The following FREM1 variants were observed in gnomAD, a reference collection of about 807,000 sequenced individuals.
FREM1 encodes the protein FRAS1 related extracellular matrix 1.
A neutral mutation model predicts 210.1 loss-of-function variants in FREM1; 220 were observed. The ratio of observed to expected loss-of-function variants is 1.05; its 90% CI spans 0.94 to 1.17. The LOEUF is 1.17. FREM1 is among the 50% of genes most tolerant of loss of function. The probability of loss-of-function intolerance (pLI) is 0.00; values close to 1 mark genes in which losing one functional copy is unlikely to be tolerated. For synonymous variants in FREM1, 1,189 were observed against 980.2 expected (o/e 1.21, Z -3.98); for missense variants, 3,454 against 2,675.5 (o/e 1.29, Z -6.42).
intron 10 of FREM1, among the ~76,000 whole-genome samples, chr9:14,838,128 T>C (rs114726020): frequency 0.012 from 1,883 of 152,330 alleles, 51 homozygotes; most frequent in African/African-American, 0.043. Context: ...TTTTGCTGTG[T>C]GTGTCAATTT....
chr9:14,763,474 G>A lies in FREM1; in HGVS notation c.5205-3573C>T, dbSNP rs949848844. On this transcript the variant is annotated intron_variant, in intron 27 of 36. Transcript: ENST00000380880. ...CATGCCACTGCACTCCAGCCTGGGC[G>A]GCAGAGCAAGACTCCATCTCAAAAA... 2.6e-5 allele frequency among the ~76,000 whole-genome samples: 4 copies of A among 152,062 alleles called. No homozygotes were observed. In the South Asian group the frequency reaches 8.3e-4, roughly 31 times the overall value.
intron 5 of FREM1, among the ~76,000 whole-genome samples, chr9:14,852,761 G>C (rs908176892): frequency 3.3e-5 from 5 of 152,236 alleles, no homozygotes; most frequent in African/African-American, 1.2e-4. Context: ...CCATTGCTGA[G>C]AGAACCAGGC....
At chr9:14,821,487 G>A (rs1821303533) in intron 13 of FREM1, among the ~76,000 whole-genome samples, 1 of 152,148 alleles carries the variant, frequency 6.6e-6, no homozygotes, top group Non-Finnish European at 1.5e-5. Flanking sequence ...TTTAGTGCTA[G>A]GCTATTTGAT....
intron 25 of FREM1, among the ~76,000 whole-genome samples, chr9:14,775,018 C>T (rs528755911): frequency 1.2e-4 from 18 of 152,316 alleles, no homozygotes; most frequent in Non-Finnish European, 2.2e-4. Context: ...TTATTACCCT[C>T]ATCATTATTA....
At chr9:14,758,739 C>T (rs1844893562) in intron 28 of FREM1, among the ~76,000 whole-genome samples, 1 of 152,098 alleles carries the variant, frequency 6.6e-6, no homozygotes, top group Non-Finnish European at 1.5e-5. Context: ...ACAAGTGTTT[C>T]ATGCTCTCAT....
At chr9:14,840,369 A>G (rs1973388) in intron 10 of FREM1, among the ~76,000 whole-genome samples, 151,569 of 152,286 alleles carry the variant, frequency 1, 75,432 homozygotes, top group Middle Eastern at 1. Flanking sequence ...ACCTGAGACT[A>G]GGCAATTTAC....
chr9:14,753,217 G>A (rs1220506231), intron 29 of FREM1, among the ~76,000 whole-genome samples: 1 of 152,206 alleles, frequency 6.6e-6, no homozygotes, highest in East Asian at 1.9e-4. Flanking sequence ...ATTTTATGCA[G>A]ACATATTCCA....
At chr9:14,769,606 A>C (rs574006783) in intron 27 of FREM1, 118 bp downstream of exon 27, 1 of 1,053,178 alleles carries the variant, frequency 9.5e-7, no homozygotes, top group East Asian at 2.8e-5. Context: ...GAGCTTGTGA[A>C]ATGGTCTATT....
intron 21 of FREM1, among the ~76,000 whole-genome samples, chr9:14,794,096 T>A (rs923774800): frequency 6.6e-6 from 1 of 152,202 alleles, no homozygotes; most frequent in African/African-American, 2.4e-5. Context: ...CAATTCAGTG[T>A]CAGAATTCAA....
intron 16 of FREM1, among the ~76,000 whole-genome samples, chr9:14,809,113 G>A (rs1416901922): frequency 6.6e-6 from 1 of 152,170 alleles, no homozygotes; most frequent in South Asian, 2.1e-4. Flanking sequence ...TCTCATGATA[G>A]TGAATGAGTC....
At chr9:14,909,320 G>T (rs935319057) in intron 1 of FREM1, among the ~76,000 whole-genome samples, 1 of 151,880 alleles carries the variant, frequency 6.6e-6, no homozygotes, top group Admixed American at 6.6e-5. Flanking sequence ...AAAGTCTCTG[G>T]ACCAAATCTC....
chr9:14,894,289 A>T (rs1255780062), intron 1 of FREM1, among the ~76,000 whole-genome samples: 16 of 152,234 alleles, frequency 1.1e-4, no homozygotes, highest in Admixed American at 9.8e-4. Flanking sequence ...TATAATTGTT[A>T]TGTAAAATTG....
chr9:14,867,411 G>A (rs1225722183), intron 2 of FREM1, among the ~76,000 whole-genome samples: 1 of 152,174 alleles, frequency 6.6e-6, no homozygotes, highest in Admixed American at 6.5e-5. Context: ...TGGAGCCATT[G>A]TTGAATTCTA....
chr9:14,894,284 T>C (rs1837329781), intron 1 of FREM1, among the ~76,000 whole-genome samples: 1 of 152,250 alleles, frequency 6.6e-6, no homozygotes, highest in Non-Finnish European at 1.5e-5. Flanking sequence ...ATGGCTATAA[T>C]TGTTATGTAA....
chr9:14,860,051 G>A (rs928639560), intron 3 of FREM1, among the ~76,000 whole-genome samples: 2 of 152,098 alleles, frequency 1.3e-5, no homozygotes, highest in African/African-American at 4.8e-5. Context: ...AAATAGAGGG[G>A]TGTCATTTTT....
Position 14,836,967 on chromosome 9 carries a change from T to C in FREM1, c.1881+4480A>G, listed in dbSNP as rs1167511988. On this transcript the variant is annotated intron_variant, in intron 10 of 36. Coordinates refer to ENST00000380880, the MANE Select transcript of FREM1 (RefSeq NM_001379081.2). This position sits in a 1 kb window ranked among gnomAD's most constrained non-coding sequence, Gnocchi z 4.9. ...TGGGTAGTTTTCGTCTTTTAAAGCA[T>C]ATCCGGAAAAGTTTCTTGTAAAGCC... Among the ~76,000 whole-genome samples the C allele has an allele frequency of 6.6e-6, 1 of 152,204 alleles. No individual in the cohort carries two copies. Among genetic ancestry groups the C allele is most frequent in the Non-Finnish European group, 1.5e-5 (1 of 68,032 alleles).
At chr9:14,851,224 G>A in intron 6 of FREM1, 60 bp downstream of exon 6, 1 of 1,236,306 alleles carries the variant, frequency 8.1e-7, no homozygotes. Context: ...TTAGGGTAGG[G>A]GGTTCTTAAA....
chr9:14,866,776 T>A (rs1444306958), intron 2 of FREM1, among the ~76,000 whole-genome samples: 1 of 152,188 alleles, frequency 6.6e-6, no homozygotes, highest in Non-Finnish European at 1.5e-5. Flanking sequence ...AGTACAGCCC[T>A]GGGTTCCTGC....
intron 35 of FREM1, among the ~76,000 whole-genome samples, chr9:14,744,302 A>G (rs1842050738): frequency 2.0e-5 from 3 of 152,132 alleles, no homozygotes; most frequent in Admixed American, 2.0e-4. Context: ...ATTCAATTTG[A>G]TGAATTTTGC....
Sources: gnomAD v4.1 joint callset for allele counts (sites outside exome capture counted in the v4.1 genomes callset) on GRCh38, gnomAD v4.1.1 for gene constraint, Gnocchi (gnomAD v3.1) non-coding constraint, MANE v1.5 for transcripts, NCBI Gene and HGNC (gene_info 2026-07-23, HGNC 2026-07-21) for gene names.